The following FBXL17 variants were observed in gnomAD, a reference collection of about 807,000 sequenced individuals.
The protein encoded by FBXL17 is F-box/LRR-repeat protein 17.
FBXL17 carries 22 observed loss-of-function variants against 66.2 expected under a neutral mutation model. That is an observed-to-expected ratio of 0.33 (90% CI 0.24 to 0.47). The LOEUF (loss-of-function observed/expected upper bound fraction) is 0.47, where lower values mean the gene tolerates loss of function less well. FBXL17 is among the 20% of genes least tolerant of loss of function. The probability of loss-of-function intolerance (pLI) is 1.00; values close to 1 mark genes in which losing one functional copy is unlikely to be tolerated. For missense variants in FBXL17, 878 were observed against 948.2 expected, an observed-to-expected ratio of 0.93 and a Z score of 0.97; for synonymous variants, 474 against 400.5, an observed-to-expected ratio of 1.18 and a Z score of -2.19.
chr5:107,880,261 TAG>T (rs1748743395), intron 8 of FBXL17: 1 of 571,558 alleles, frequency 1.7e-6, no homozygotes, highest in Non-Finnish European at 2.2e-6. Flanking sequence ...GAGAGGGGGA[TAG>T]AGACAGGGTT....
intron 7 of FBXL17, among the ~76,000 whole-genome samples, chr5:108,003,274 C>G (rs1447828569): frequency 2.0e-5 from 3 of 152,132 alleles, no homozygotes; most frequent in African/African-American, 7.2e-5. Context: ...TTAGAAACCC[C>G]TGCCCAAGAA....
At chr5:108,095,173 A>G (rs1749322269) in intron 6 of FBXL17, among the ~76,000 whole-genome samples, 1 of 152,040 alleles carries the variant, frequency 6.6e-6, no homozygotes, top group African/African-American at 2.4e-5. Context: ...TATTAATGGT[A>G]AGCATTTTCC....
intron 6 of FBXL17, among the ~76,000 whole-genome samples, chr5:108,145,954 C>T (rs1037769213): frequency 6.6e-6 from 1 of 152,020 alleles, no homozygotes; most frequent in African/African-American, 2.4e-5. Context: ...TGCAGTGGCT[C>T]ACGCCTTTAA....
intron 6 of FBXL17, among the ~76,000 whole-genome samples, chr5:108,022,216 T>C (rs1389220436): frequency 1.3e-5 from 2 of 151,780 alleles, no homozygotes; most frequent in Admixed American, 6.6e-5. Flanking sequence ...AAAAGATCTA[T>C]AAAAAAATGG....
intron 4 of FBXL17, among the ~76,000 whole-genome samples, chr5:108,254,413 A>G (rs1036499785): frequency 6.6e-6 from 1 of 152,146 alleles, no homozygotes; most frequent in Non-Finnish European, 1.5e-5. Context: ...TCCCAACTAT[A>G]CAGAAAACTG....
chr5:107,938,836 TC>T (rs980001365), intron 7 of FBXL17, among the ~76,000 whole-genome samples: 1 of 152,132 alleles, frequency 6.6e-6, no homozygotes, highest in African/African-American at 2.4e-5. Context: ...TCTTATCTCT[TC>T]CATAGGTTTT....
intron 7 of FBXL17, among the ~76,000 whole-genome samples, chr5:107,929,037 C>G (rs1750633657): frequency 6.6e-6 from 1 of 152,052 alleles, no homozygotes; most frequent in South Asian, 2.1e-4. Flanking sequence ...CCTTTCTTTA[C>G]ATAGTTCAGT....
chr5:108,089,010 T>A (rs1296531118), intron 6 of FBXL17, among the ~76,000 whole-genome samples: 1 of 152,248 alleles, frequency 6.6e-6, no homozygotes, highest in Non-Finnish European at 1.5e-5. Context: ...CTATTCATCC[T>A]GTAAAGAAAA....
chr5:108,133,946 G>A (rs953729644), intron 6 of FBXL17, among the ~76,000 whole-genome samples: 4 of 152,050 alleles, frequency 2.6e-5, no homozygotes, highest in Non-Finnish European at 5.9e-5. Flanking sequence ...ACACTTGGAA[G>A]AATATATATT....
intron 7 of FBXL17, among the ~76,000 whole-genome samples, chr5:107,983,713 A>G (rs1026832764): frequency 6.6e-6 from 1 of 152,204 alleles, no homozygotes; most frequent in Non-Finnish European, 1.5e-5. Flanking sequence ...CCAGGACAGA[A>G]GGGCAAAGTC....
At chr5:108,177,366 A>T (rs1752830578) in intron 6 of FBXL17, among the ~76,000 whole-genome samples, 1 of 152,188 alleles carries the variant, frequency 6.6e-6, no homozygotes, top group Admixed American at 6.5e-5. Flanking sequence ...CCACAACTTG[A>T]TATATGCAGT....
At chr5:108,187,947 C>T (rs1753305983) in intron 5 of FBXL17, among the ~76,000 whole-genome samples, 1 of 152,228 alleles carries the variant, frequency 6.6e-6, no homozygotes, top group Admixed American at 6.5e-5. Context: ...TATATTTCTG[C>T]TGTCTGATAT....
At chr5:108,310,262 G>A (rs978345590) in intron 4 of FBXL17, among the ~76,000 whole-genome samples, 1 of 152,112 alleles carries the variant, frequency 6.6e-6, no homozygotes, top group Non-Finnish European at 1.5e-5. Flanking sequence ...GGACTGCAAT[G>A]CTAAGAGAAA....
chr5:108,055,299 AAAAAAAAAAAAAAAG>A (rs1200905889), intron 6 of FBXL17, among the ~76,000 whole-genome samples: 1,607 of 35,420 alleles, frequency 0.045, 64 homozygotes, highest in African/African-American at 0.16. Context: ...AAAAAAAAAA[AAAAAAAAAAAAAAAG>A]AAAAACGCTT....
chr5:108,317,419 C>A (rs1243526412), intron 4 of FBXL17, among the ~76,000 whole-genome samples: 1 of 150,366 alleles, frequency 6.7e-6, no homozygotes, highest in Non-Finnish European at 1.5e-5. Context: ...TCCCAACTAC[C>A]CTGATTTGAT....
chr5:107,865,195 G>C (rs2112480253), intron 8 of FBXL17, among the ~76,000 whole-genome samples: 1 of 152,286 alleles, frequency 6.6e-6, no homozygotes, highest in South Asian at 2.1e-4. Context: ...TTTATACACA[G>C]GTTTGTACAG....
chr5:108,365,275 T>A (rs1748591934), intron 2 of FBXL17, among the ~76,000 whole-genome samples: 1 of 152,064 alleles, frequency 6.6e-6, no homozygotes, highest in Admixed American at 6.6e-5. Flanking sequence ...ACAAGCCCTT[T>A]AGACCATATC....
At chr5:107,901,029 C>T (rs1383575149) in intron 7 of FBXL17, among the ~76,000 whole-genome samples, 2 of 152,288 alleles carry the variant, frequency 1.3e-5, no homozygotes, top group Non-Finnish European at 1.5e-5. Context: ...TATATCATCA[C>T]ATCCATGAAC....
At chr5:108,100,881 G>A (rs1037564719) in intron 6 of FBXL17, among the ~76,000 whole-genome samples, 1 of 152,148 alleles carries the variant, frequency 6.6e-6, no homozygotes, top group Non-Finnish European at 1.5e-5. Flanking sequence ...GAATTGAGAT[G>A]TACTGAGACA....
Sources: allele counts gnomAD v4.1 joint callset (sites outside exome capture counted in the v4.1 genomes callset), GRCh38; gene constraint gnomAD v4.1.1; transcripts MANE v1.5; gene names NCBI Gene and HGNC (gene_info 2026-07-23, HGNC 2026-07-21).